CCNI: variants seen among roughly 807,000 people sequenced by gnomAD.
CCNI encodes the protein cyclin I.
In CCNI, 14 loss-of-function variants were observed where a neutral mutation model predicts 34.1. The ratio of observed to expected loss-of-function variants is 0.41; its 90% CI spans 0.27 to 0.64. The LOEUF is 0.64. Ranked by LOEUF, CCNI falls within the 30% of genes least tolerant of loss-of-function variation. The probability of loss-of-function intolerance (pLI) is 0.31; values close to 1 mark genes in which losing one functional copy is unlikely to be tolerated. For missense variants in CCNI, 385 were observed against 440.5 expected (o/e 0.87, Z 1.13); for synonymous variants, 154 against 158.4 (o/e 0.97, Z 0.21).
In CCNI at chr4:77,047,516, C is replaced by G. The variant is rs1727515137; in HGVS notation, c.*703G>C. The G allele has an allele frequency of 1.3e-5, 2 of 152,138 alleles. No individual in the cohort carries two copies. The highest frequency in any genetic ancestry group is 2.9e-5 in the Non-Finnish European group (2 of 68,020). The allele number at this position is 152,138 out of a possible 1,614,324, so 9.4% of individuals were successfully genotyped here. On this transcript the variant is annotated 3_prime_UTR_variant, in exon 7 of 7. Transcript: ENST00000237654. Reference sequence around the variant, plus strand: ...TATATTTATCACAAATTCTTTTATACAAATGTCGAAAATGCTTTCAACAAA... The same window carrying G: ...TATATTTATCACAAATTCTTTTATAGAAATGTCGAAAATGCTTTCAACAAA...
intron 1 of CCNI, among the ~76,000 whole-genome samples, chr4:77,066,930 A>C (rs992357555): frequency 6.6e-6 from 1 of 152,174 alleles, no homozygotes; most frequent in African/African-American, 2.4e-5. Flanking sequence ...TTTAACTATG[A>C]GCTGAATAAA....
intron 1 of CCNI, among the ~76,000 whole-genome samples, chr4:77,072,047 G>C (rs1423758450): frequency 6.6e-6 from 1 of 151,994 alleles, no homozygotes. Flanking sequence ...ACCAAAACCA[G>C]ACAGACATCA....
intron 2 of CCNI, chr4:77,064,874 T>C (rs1267086383): frequency 6.6e-6 from 1 of 152,190 alleles, no homozygotes; most frequent in Non-Finnish European, 1.5e-5. Flanking sequence ...AGATGGGGTT[T>C]CGCCATGTTG....
At chr4:77,052,515 A>T (rs954715877) in intron 6 of CCNI, among the ~76,000 whole-genome samples, 5 of 152,040 alleles carry the variant, frequency 3.3e-5, no homozygotes, top group Non-Finnish European at 7.4e-5. Flanking sequence ...ACAGGGACAA[A>T]AGGAAGATTG....
intron 1 of CCNI, among the ~76,000 whole-genome samples, chr4:77,069,740 C>G (rs1729321614): frequency 6.6e-6 from 1 of 151,754 alleles, no homozygotes; most frequent in South Asian, 2.1e-4. Flanking sequence ...CACTGGTGCC[C>G]CAAACAAAAA....
intron 2 of CCNI, among the ~76,000 whole-genome samples, chr4:77,062,739 C>T (rs1728697348): frequency 6.6e-6 from 1 of 152,068 alleles, no homozygotes; most frequent in Non-Finnish European, 1.5e-5. Flanking sequence ...AGGGTTTTAT[C>T]TTTGTAAATC....
Position 77,058,650 on chromosome 4 carries a change from T to C in CCNI, c.115-15A>G. 6.2e-7 allele frequency: 1 copy of C among 1,607,474 alleles called. No individual in the cohort carries two copies. Among genetic ancestry groups the C allele is most frequent in the Non-Finnish European group, 8.5e-7 (1 of 1,177,418 alleles). ...GGAGAAACATTCTATAAGGGAACAA[T>C]TTTGAAAACAGAAGACAAAGTTTGA... On this transcript the variant is annotated splice_polypyrimidine_tract_variant and intron_variant, in intron 2 of 6. Transcript: ENST00000237654.
intron 2 of CCNI, among the ~76,000 whole-genome samples, chr4:77,060,904 C>A (rs950521395): frequency 3.3e-5 from 5 of 150,626 alleles, no homozygotes; most frequent in African/African-American, 1.2e-4. Context: ...GGATTACAGA[C>A]GTGAGCCACT....
In CCNI at chr4:77,075,572, T is replaced by C. The variant is rs1000136644; in HGVS notation, c.-144A>G. 30 of 987,936 alleles carry C rather than the reference T, an allele frequency of 3.0e-5. No individual in the cohort carries two copies. The highest frequency in any genetic ancestry group is 1.1e-4 in the East Asian group (1 of 8,790). The allele number at this position is 987,936 out of a possible 1,614,324, so 61.2% of individuals were successfully genotyped here. A position where few individuals can be genotyped will look rare whatever the true frequency, so the allele number is the denominator to read the frequency against. Reference sequence around the variant, plus strand: ...GGGGCCCGTTACCACCTCATTCTCATAGGCGCGCGGAGGCGGTGCGCGCGG... The same window carrying C: ...GGGGCCCGTTACCACCTCATTCTCACAGGCGCGCGGAGGCGGTGCGCGCGG... On this transcript the variant is annotated 5_prime_UTR_variant, in exon 1 of 7. An upstream start codon of the reference 5' UTR is lost. Transcript: ENST00000237654.
intron 1 of CCNI, 38 bp from the exon 2 acceptor site, chr4:77,066,443 T>C: frequency 6.6e-7 from 1 of 1,521,590 alleles, no homozygotes; most frequent in Non-Finnish European, 9.0e-7. Context: ...AGTTATAGAA[T>C]AAGTGTAGCA....
At chr4:77,067,641 T>C (rs1450275710) in intron 1 of CCNI, among the ~76,000 whole-genome samples, 4 of 148,780 alleles carry the variant, frequency 2.7e-5, no homozygotes, top group Non-Finnish European at 5.9e-5. Context: ...CAGATGCACA[T>C]CACCAAGCCC....
At chr4:77,065,402 TCA>T (rs1185015854) in intron 2 of CCNI, among the ~76,000 whole-genome samples, 1 of 152,232 alleles carries the variant, frequency 6.6e-6, no homozygotes, top group Non-Finnish European at 1.5e-5. Context: ...TGGATAAAGT[TCA>T]CAGTTATTTG....
At chr4:77,069,896 G>A (rs1056266904) in intron 1 of CCNI, among the ~76,000 whole-genome samples, 2 of 151,764 alleles carry the variant, frequency 1.3e-5, no homozygotes, top group Non-Finnish European at 2.9e-5. Context: ...ATCTTTGAAG[G>A]GTGCTATCAT....
chr4:77,071,418 G>C (rs557059188), intron 1 of CCNI, among the ~76,000 whole-genome samples: 25 of 152,198 alleles, frequency 1.6e-4, no homozygotes, highest in African/African-American at 5.8e-4. Flanking sequence ...CTCAAATCAA[G>C]AGCCTAATCT....
intron 1 of CCNI, among the ~76,000 whole-genome samples, chr4:77,069,948 C>A (rs931108699): frequency 6.6e-6 from 1 of 151,888 alleles, no homozygotes; most frequent in African/African-American, 2.4e-5. Flanking sequence ...ACTTCGATAG[C>A]TCCTCACGAT....
At chr4:77,053,633 T>C (rs1275519035) in intron 6 of CCNI, among the ~76,000 whole-genome samples, 1 of 152,170 alleles carries the variant, frequency 6.6e-6, no homozygotes, top group Non-Finnish European at 1.5e-5. Flanking sequence ...AAGCAATCTT[T>C]TTCTGTACTA....
rs1727506907 is a variant in CCNI at position 77,047,355 on chromosome 4, CAT to C, written c.*862_*863del. 1 of 152,182 alleles carries C rather than the reference CAT, an allele frequency of 6.6e-6. No individual in the cohort carries two copies. The highest frequency in any genetic ancestry group is 2.1e-4 in the South Asian group (1 of 4,834). The allele number at this position is 152,182 out of a possible 1,614,324, so 9.4% of individuals were successfully genotyped here. A position where few individuals can be genotyped will look rare whatever the true frequency, so the allele number is the denominator to read the frequency against. On this transcript the variant is annotated 3_prime_UTR_variant, in exon 7 of 7. Coordinates refer to ENST00000237654, the MANE Select transcript of CCNI (RefSeq NM_006835.3). The stretch of plus-strand genomic sequence containing the variant: ...ACTAGGGTACTAAATTCAGTTATAA[CAT>C]GTTACAGACTTAAATCATAGAGCTG...
chr4:77,070,984 A>G (rs559679185), intron 1 of CCNI, among the ~76,000 whole-genome samples: 41 of 152,328 alleles, frequency 2.7e-4, no homozygotes, highest in Middle Eastern at 3.4e-3. Flanking sequence ...TAAAACTTTA[A>G]TAATTCTTTC....
intron 6 of CCNI, among the ~76,000 whole-genome samples, chr4:77,054,009 A>G (rs962715497): frequency 6.6e-6 from 1 of 152,284 alleles, no homozygotes; most frequent in South Asian, 2.1e-4. Flanking sequence ...TAGCTAACAT[A>G]CTGCTCTGAT....
Sources: allele counts gnomAD v4.1 joint callset (sites outside exome capture counted in the v4.1 genomes callset), GRCh38; gene constraint gnomAD v4.1.1; transcripts MANE v1.5; gene names NCBI Gene and HGNC (gene_info 2026-07-23, HGNC 2026-07-21).